Variants in CAMKMT observed in about 807,000 individuals in gnomAD.
CAMKMT encodes CaM KMT.
A neutral mutation model predicts 48.0 loss-of-function variants in CAMKMT; 53 were observed. The ratio of observed to expected loss-of-function variants is 1.10; its 90% CI spans 0.89 to 1.39. The LOEUF (loss-of-function observed/expected upper bound fraction) is 1.39. Among genes scored for constraint, CAMKMT ranks in the 40% most tolerant of loss-of-function variants. The probability of loss-of-function intolerance (pLI) is 0.00; values close to 1 mark genes in which losing one functional copy is unlikely to be tolerated. For missense variants in CAMKMT, 428 were observed against 402.7 expected (o/e 1.06, Z -0.54); for synonymous variants, 165 against 152.3 (o/e 1.08, Z -0.61).
At chr2:44,429,134 A>G (rs1487023714) in intron 3 of CAMKMT, among the ~76,000 whole-genome samples, 3 of 152,154 alleles carry the variant, frequency 2.0e-5, no homozygotes, top group African/African-American at 7.2e-5. Context: ...TTCTTATCTG[A>G]CCAGCCTAGA....
chr2:44,749,712 C>T (rs1036956977), intron 8 of CAMKMT, among the ~76,000 whole-genome samples: 12 of 152,334 alleles, frequency 7.9e-5, no homozygotes, highest in African/African-American at 2.9e-4. Context: ...ACAGCAGCAA[C>T]ATCAAAGCCA....
chr2:44,362,238 A>C, intron 1 of CAMKMT, 93 bp downstream of exon 1: 1 of 1,150,412 alleles, frequency 8.7e-7, no homozygotes, highest in Non-Finnish European at 1.2e-6. Flanking sequence ...TCCTCTTGGC[A>C]GCTCTGGGAG....
At chr2:44,375,066 G>GT (rs1679543340) in intron 2 of CAMKMT, among the ~76,000 whole-genome samples, 2 of 152,140 alleles carry the variant, frequency 1.3e-5, no homozygotes, top group Admixed American at 1.3e-4. Flanking sequence ...AGGATTTCAA[G>GT]GCTGCAGTGA....
intron 4 of CAMKMT, among the ~76,000 whole-genome samples, chr2:44,705,790 A>T (rs1677520456): frequency 6.6e-6 from 1 of 151,664 alleles, no homozygotes; most frequent in Non-Finnish European, 1.5e-5. Context: ...TTGTTTAAGA[A>T]TTTTTTTTTA....
intron 3 of CAMKMT, among the ~76,000 whole-genome samples, chr2:44,575,518 C>T (rs1474842081): frequency 1.3e-5 from 2 of 152,090 alleles, no homozygotes; most frequent in Non-Finnish European, 2.9e-5. Flanking sequence ...TATGGCTTTA[C>T]CAAACATGAC....
intron 3 of CAMKMT, among the ~76,000 whole-genome samples, chr2:44,446,841 C>A (rs913084160): frequency 6.6e-6 from 1 of 152,212 alleles, no homozygotes; most frequent in African/African-American, 2.4e-5. Flanking sequence ...CATTCCTCAT[C>A]ATACCCACAA....
chr2:44,626,336 G>C (rs1029610907), intron 3 of CAMKMT, among the ~76,000 whole-genome samples: 2 of 151,890 alleles, frequency 1.3e-5, no homozygotes, highest in African/African-American at 4.8e-5. Context: ...CAATTGTTTA[G>C]TGCTAGCATA....
At chr2:44,532,859 C>G (rs1666564603) in intron 3 of CAMKMT, among the ~76,000 whole-genome samples, 5 of 151,472 alleles carry the variant, frequency 3.3e-5, no homozygotes, top group Admixed American at 3.3e-4. Context: ...GTCACCCAGG[C>G]TGGAGTACAG....
At chr2:44,532,915 C>A (rs1483503172) in intron 3 of CAMKMT, among the ~76,000 whole-genome samples, 1 of 151,642 alleles carries the variant, frequency 6.6e-6, no homozygotes, top group South Asian at 2.1e-4. Flanking sequence ...CAGGTTCAAG[C>A]GATTCTCCTG....
intron 3 of CAMKMT, among the ~76,000 whole-genome samples, chr2:44,547,916 G>C (rs7583741): frequency 0.67 from 101,184 of 152,012 alleles, 34,579 homozygotes; most frequent in South Asian, 0.75. Flanking sequence ...CTGTCCTTGA[G>C]TGTCCCTCCT....
chr2:44,470,244 G>A (rs17032263), intron 3 of CAMKMT, among the ~76,000 whole-genome samples: 1,878 of 152,178 alleles, frequency 0.012, 44 homozygotes, highest in African/African-American at 0.043. Flanking sequence ...GCCTCATACT[G>A]TGAAGTTTCC....
Position 44,577,756 on chromosome 2 carries a change from C to G in CAMKMT, c.377-126527C>G, listed in dbSNP as rs535615265. ...TCCTTTGGACGAGATCCTCCCTTTA[C>G]TAGAGCCAGGAAATAGCTCTTATCA... On this transcript the variant is annotated intron_variant, in intron 3 of 10. Coordinates refer to ENST00000378494, the MANE Select transcript of CAMKMT (RefSeq NM_024766.5). Among the ~76,000 whole-genome samples, 4 of 152,146 alleles carry G rather than the reference C, an allele frequency of 2.6e-5. No homozygotes were observed. The East Asian group carries it at 7.7e-4, about 29-fold the overall frequency.
intron 3 of CAMKMT, among the ~76,000 whole-genome samples, chr2:44,702,006 T>TA (rs2104260075): frequency 6.6e-6 from 1 of 152,310 alleles, no homozygotes; most frequent in East Asian, 1.9e-4. Context: ...GTAATTTTGT[T>TA]AAAAATCAGC....
At chr2:44,408,752 ATTTT>A (rs140034422) in intron 3 of CAMKMT, among the ~76,000 whole-genome samples, 2 of 151,502 alleles carry the variant, frequency 1.3e-5, no homozygotes, top group South Asian at 4.1e-4. Flanking sequence ...TAATTAATTA[ATTTT>A]TTTGAGACAG....
chr2:44,683,335 A>G (rs1676127987), intron 3 of CAMKMT, among the ~76,000 whole-genome samples: 1 of 152,200 alleles, frequency 6.6e-6, no homozygotes, highest in African/African-American at 2.4e-5. Context: ...CAAGATGCAA[A>G]CTCAAATCAT....
intron 9 of CAMKMT, among the ~76,000 whole-genome samples, chr2:44,763,134 G>A (rs1009497002): frequency 1.3e-5 from 2 of 152,224 alleles, no homozygotes; most frequent in Admixed American, 1.3e-4. Flanking sequence ...ACTCAGTAGG[G>A]CTCAGTGAAT....
intron 3 of CAMKMT, among the ~76,000 whole-genome samples, chr2:44,557,106 A>C (rs1668056295): frequency 6.6e-6 from 1 of 152,206 alleles, no homozygotes; most frequent in Admixed American, 6.5e-5. Flanking sequence ...TTCTAGACAT[A>C]GGATTCATTC....
intron 3 of CAMKMT, among the ~76,000 whole-genome samples, chr2:44,614,935 G>GTTTTTTTTTTTTTTTTTT (rs1671789368): frequency 8.9e-5 from 3 of 33,880 alleles, no homozygotes; most frequent in African/African-American, 2.7e-4. Context: ...TGGTCTCCTT[G>GTTTTTTTTTTTTTTTTTT]CTTTTTTTTT....
Position 44,426,204 on chromosome 2 carries a change from A to G in CAMKMT, c.376+35899A>G, listed in dbSNP as rs1407879543. Reference sequence around the variant, plus strand: ...TAACTTAGTGTTGTCATAAAATAGAATTGGAAAAGGCGGGTAAATCAACAT... The same window carrying G: ...TAACTTAGTGTTGTCATAAAATAGAGTTGGAAAAGGCGGGTAAATCAACAT... On this transcript the variant is annotated intron_variant, in intron 3 of 10. Transcript: ENST00000378494. Among the ~76,000 whole-genome samples, 3 of 152,250 alleles carry G rather than the reference A, an allele frequency of 2.0e-5. No homozygotes were observed. The East Asian group carries it at 5.8e-4, about 29-fold the overall frequency.
Sources: gnomAD v4.1 joint callset for allele counts (sites outside exome capture counted in the v4.1 genomes callset) on GRCh38, gnomAD v4.1.1 for gene constraint, MANE v1.5 for transcripts, NCBI Gene and HGNC (gene_info 2026-07-23, HGNC 2026-07-21) for gene names.